Variants in RGS17 observed in about 807,000 individuals in gnomAD.
RGS17 encodes regulator of G-protein signaling 17.
In RGS17, 12 loss-of-function variants were observed where a neutral mutation model predicts 25.5. That is an observed-to-expected ratio of 0.47 (90% CI 0.30 to 0.76). The LOEUF is 0.76. Ranked by LOEUF, RGS17 falls within the 30% of genes least tolerant of loss-of-function variation. The pLI, the probability that RGS17 is intolerant of heterozygous loss-of-function variation, is 0.07. For synonymous variants in RGS17, 71 were observed against 76.9 expected (o/e 0.92, Z 0.40); for missense variants, 196 against 242.2 (o/e 0.81, Z 1.27).
At chr6:153,039,307 C>T (rs1012909142) in intron 2 of RGS17, among the ~76,000 whole-genome samples, 1 of 152,118 alleles carries the variant, frequency 6.6e-6, no homozygotes, top group Non-Finnish European at 1.5e-5. Context: ...CCAAACGTTG[C>T]TGTTGTTGTT....
chr6:153,065,540 CA>C (rs1776695405), intron 1 of RGS17, among the ~76,000 whole-genome samples: 1 of 152,142 alleles, frequency 6.6e-6, no homozygotes, highest in Admixed American at 6.5e-5. Context: ...GGTCATAAAA[CA>C]AGTCTTAAAA....
chr6:153,007,480 C>T lies in RGS17; in HGVS notation c.*4094G>A, dbSNP rs191508769. The stretch of plus-strand genomic sequence containing the variant: ...AAAATATTTTTTGGAAATATCTTTA[C>T]CATCTTTCAAAATAATTAGGCAATG... On this transcript the variant is annotated 3_prime_UTR_variant, in exon 5 of 5. Coordinates refer to ENST00000206262, the MANE Select transcript of RGS17 (RefSeq NM_012419.5). 2 of 152,140 alleles carry T rather than the reference C, an allele frequency of 1.3e-5. No homozygotes were observed. Among genetic ancestry groups the T allele is most frequent in the Admixed American group, 6.5e-5 (1 of 15,288 alleles). 9.4% of individuals were successfully genotyped at this position (152,140 alleles called of 1,614,324 possible).
chr6:153,036,801 C>T (rs1262143674), intron 2 of RGS17, among the ~76,000 whole-genome samples: 2 of 152,112 alleles, frequency 1.3e-5, no homozygotes, highest in Admixed American at 1.3e-4. Flanking sequence ...GCACTTCTCT[C>T]CATCCCTTTT....
At chr6:153,089,716 A>T (rs146462655) in intron 1 of RGS17, among the ~76,000 whole-genome samples, 2,706 of 152,252 alleles carry the variant, frequency 0.018, 38 homozygotes, top group Middle Eastern at 0.054. Context: ...TAAATAAATA[A>T]ATCTGGTAAT....
rs1197990953 is a variant in RGS17, at chr6:153,070,701, G to GTGTGTGTGTGTA, written c.-25-26659_-25-26658insTACACACACACA. On this transcript the variant is annotated intron_variant, in intron 1 of 4. Transcript: ENST00000206262. The stretch of plus-strand genomic sequence containing the variant: ...TGTGTGTGTGTGTGTGTGTGTGTGT[G>GTGTGTGTGTGTA]TATATACATATATATATACACATAT... Among the ~76,000 whole-genome samples, 463 of 104,710 alleles carry GTGTGTGTGTGTA rather than the reference G, an allele frequency of 4.4e-3. 2 individuals carry two copies. Among genetic ancestry groups the GTGTGTGTGTGTA allele is most frequent in the South Asian group, 0.014 (52 of 3,668 alleles). The allele number at this position is 104,710 out of a possible 152,430, so 68.7% of individuals were successfully genotyped here.
At chr6:153,090,099 G>T (rs1442696992) in intron 1 of RGS17, among the ~76,000 whole-genome samples, 1 of 152,022 alleles carries the variant, frequency 6.6e-6, no homozygotes, top group African/African-American at 2.4e-5. Context: ...ACTGCTATCT[G>T]CTGTATGATG....
At chr6:153,031,636 A>G (rs1779364478) in intron 2 of RGS17, among the ~76,000 whole-genome samples, 1 of 152,216 alleles carries the variant, frequency 6.6e-6, no homozygotes, top group Non-Finnish European at 1.5e-5. Flanking sequence ...TCTCAGGCTC[A>G]TTTTCACTCT....
At chr6:153,087,078 T>C (rs536114994) in intron 1 of RGS17, among the ~76,000 whole-genome samples, 2 of 95,552 alleles carry the variant, frequency 2.1e-5, no homozygotes, top group Middle Eastern at 5.2e-3. Flanking sequence ...AGGTCAGGAG[T>C]TTGAGATCAA....
intron 1 of RGS17, among the ~76,000 whole-genome samples, chr6:153,092,542 C>G (rs1475592828): frequency 6.6e-6 from 1 of 152,206 alleles, no homozygotes; most frequent in East Asian, 1.9e-4. Context: ...CCCATCTTTA[C>G]TCATTCTGCC....
intron 1 of RGS17, among the ~76,000 whole-genome samples, chr6:153,095,708 A>G (rs1392161625): frequency 6.6e-6 from 1 of 152,224 alleles, no homozygotes; most frequent in Non-Finnish European, 1.5e-5. Context: ...AATTATACAT[A>G]TTATTCATAT....
chr6:153,070,699 GTGTA>G (rs1437396880), intron 1 of RGS17, among the ~76,000 whole-genome samples: 17 of 106,598 alleles, frequency 1.6e-4, no homozygotes, highest in South Asian at 2.7e-4. Context: ...GTGTGTGTGT[GTGTA>G]TATACATATA....
chr6:153,037,867 A>G (rs1162890106), intron 2 of RGS17, among the ~76,000 whole-genome samples: 5 of 152,226 alleles, frequency 3.3e-5, no homozygotes, highest in African/African-American at 1.2e-4. Context: ...CTAAAAAACA[A>G]CAACATGGGG....
chr6:153,012,163 T>C (rs183278563), intron 4 of RGS17, among the ~76,000 whole-genome samples: 109 of 152,288 alleles, frequency 7.2e-4, no homozygotes, highest in African/African-American at 2.6e-3. Flanking sequence ...AAAAATCTAC[T>C]GGCAGAAAAG....
At chr6:153,103,361 T>C (rs1437212886) in intron 1 of RGS17, among the ~76,000 whole-genome samples, 3 of 152,164 alleles carry the variant, frequency 2.0e-5, no homozygotes, top group Non-Finnish European at 4.4e-5. Flanking sequence ...ACTGATACGA[T>C]AGTTATATTT....
At chr6:153,076,540 C>G (rs1200509603) in intron 1 of RGS17, among the ~76,000 whole-genome samples, 1 of 152,004 alleles carries the variant, frequency 6.6e-6, no homozygotes, top group African/African-American at 2.4e-5. Flanking sequence ...CAAAAAGGAA[C>G]CAGAGCTGGA....
Position 153,089,858 on chromosome 6 carries a change from T to A in RGS17, c.-26+41266A>T, listed in dbSNP as rs187881687. ...AACTTTTATAGCATGCTGGTTAATA[T>A]GTCTAGATTAAGTCTACCAAATGTG... On this transcript the variant is annotated intron_variant, in intron 1 of 4. Coordinates refer to ENST00000206262, the MANE Select transcript of RGS17 (RefSeq NM_012419.5). Among the ~76,000 whole-genome samples the A allele has an allele frequency of 1.6e-3, 239 of 152,320 alleles. 1 individual carries two copies. The highest frequency in any genetic ancestry group is 5.5e-3 in the African/African-American group (227 of 41,584).
intron 1 of RGS17, among the ~76,000 whole-genome samples, chr6:153,127,631 A>C (rs1458129727): frequency 2.0e-5 from 3 of 152,204 alleles, no homozygotes; most frequent in Admixed American, 2.0e-4. Context: ...ATCTGCCTAT[A>C]GGTAATTTTG....
At position 153,020,115 on chromosome 6, in the gene RGS17, T is replaced by A. The variant is rs979983207; in HGVS notation, c.444+4147A>T. Reference sequence around the variant, plus strand: ...GCAAATATCTTAAAAAAAAAAAATATATATATATATATATATATATATATT... The same window carrying A: ...GCAAATATCTTAAAAAAAAAAAATAAATATATATATATATATATATATATT... On this transcript the variant is annotated intron_variant, in intron 4 of 4. Coordinates refer to ENST00000206262, the MANE Select transcript of RGS17 (RefSeq NM_012419.5). Among the ~76,000 whole-genome samples, 119 of 56,312 alleles carry A rather than the reference T, an allele frequency of 2.1e-3. 1 individual carries two copies. Among genetic ancestry groups the A allele is most frequent in the East Asian group, 8.1e-3 (12 of 1,476 alleles). The allele number at this position is 56,312 out of a possible 152,430, so 36.9% of individuals were successfully genotyped here.
rs555954314 is a variant in RGS17, at chr6:153,130,833, G to T, written c.-26+291C>A. 1.3e-5 allele frequency among the ~76,000 whole-genome samples: 2 copies of T among 151,976 alleles called. No individual in the cohort carries two copies. Among genetic ancestry groups the T allele is most frequent in the African/African-American group, 4.8e-5 (2 of 41,408 alleles). ...GCGTTCCCCGGCGGGCAGGACACTC[G>T]CCCGGTTCCCTGCAGCAGCTGAGGG... On this transcript the variant is annotated intron_variant, in intron 1 of 4. Transcript: ENST00000206262. The surrounding 1 kb of genome is among the most constrained non-coding windows in gnomAD (Gnocchi z 6.4).
Sources: gnomAD v4.1 joint callset for allele counts (sites outside exome capture counted in the v4.1 genomes callset) on GRCh38, gnomAD v4.1.1 for gene constraint, Gnocchi (gnomAD v3.1) non-coding constraint, MANE v1.5 for transcripts, NCBI Gene and HGNC (gene_info 2026-07-23, HGNC 2026-07-21) for gene names.